The following CASK variants were observed in gnomAD, a reference collection of about 807,000 sequenced individuals.
CASK encodes peripheral plasma membrane protein CASK.
In CASK, 4 loss-of-function variants were observed where a neutral mutation model predicts 82.9. That is an observed-to-expected ratio of 0.05 (90% CI 0.02 to 0.11). CASK has a LOEUF of 0.11. CASK is among the 10% of genes least tolerant of loss of function. CASK has a pLI of 1.00. For missense variants in CASK, 358 were observed against 720.9 expected, an observed-to-expected ratio of 0.50 and a Z score of 5.76; for synonymous variants, 259 against 253.5, an observed-to-expected ratio of 1.02 and a Z score of -0.20.
intron 1 of CASK, among the ~76,000 whole-genome samples, chrX:41,888,561 C>A (rs1276185464): frequency 9.2e-6 from 1 of 108,810 alleles, no homozygotes; most frequent in African/African-American, 3.3e-5. Context: ...GTCTCCAATT[C>A]CATCAAGGTT....
chrX:41,738,945 ATAC>A (rs1170324270), intron 5 of CASK, among the ~76,000 whole-genome samples: 1 of 112,579 alleles, frequency 8.9e-6, no homozygotes, highest in African/African-American at 3.2e-5. Flanking sequence ...TTATGATTTC[ATAC>A]TATATTTAAA....
intron 25 of CASK, among the ~76,000 whole-genome samples, chrX:41,528,957 G>A (rs990547362): frequency 6.2e-5 from 7 of 112,495 alleles, no homozygotes. Flanking sequence ...TGTGAGACCA[G>A]GACTGGCATG....
At position 41,520,557 on chromosome X, in the gene CASK, A is replaced by C; in HGVS notation, c.2644T>G (p.Leu882Val). 8.3e-7 allele frequency: 1 copy of C among 1,208,166 alleles called. No homozygotes were observed. Among genetic ancestry groups the C allele is most frequent in the Non-Finnish European group, 1.1e-6 (1 of 892,523 alleles). ...LQRLQKESDI[L>V]QRTYAHYFDL... ...AAGTAGTGTGCATATGTTCTCTGTA[A>C]GATGTCAGACTCCTTCTGCAGACGC... is the stretch of plus-strand genomic sequence containing the variant. Residue 882 changes from leucine to valine, a missense_variant, in exon 27 of 27, where the codon TTA (leucine) becomes GTA (valine). Physicochemically the swap from Leu to Val is conservative, Grantham distance 32 (BLOSUM62 1). Coordinates refer to ENST00000378163, the MANE Select transcript of CASK (RefSeq NM_001367721.1).
At chrX:41,606,258 ATT>A (rs1433211238) in intron 12 of CASK, among the ~76,000 whole-genome samples, 7 of 111,108 alleles carry the variant, frequency 6.3e-5, no homozygotes, top group African/African-American at 1.3e-4. Flanking sequence ...TCATTCATTC[ATT>A]CATTCATTCA....
At chrX:41,612,379 C>A (rs1295633624) in intron 11 of CASK, among the ~76,000 whole-genome samples, 2 of 106,763 alleles carry the variant, frequency 1.9e-5, no homozygotes, top group Non-Finnish European at 3.9e-5. Flanking sequence ...AGACCCTCCG[C>A]CCGGCAACCG....
At chrX:41,810,882 G>A (rs1602659378) in intron 2 of CASK, among the ~76,000 whole-genome samples, 1 of 111,549 alleles carries the variant, frequency 9.0e-6, no homozygotes, top group African/African-American at 3.3e-5. Flanking sequence ...AAAGGATGGA[G>A]GAAGATCTAC....
chrX:41,632,539 C>T (rs1023658937), intron 9 of CASK, among the ~76,000 whole-genome samples: 3 of 111,465 alleles, frequency 2.7e-5, no homozygotes, highest in Admixed American at 9.6e-5. Context: ...AAGGTGCTAG[C>T]GCAACAGAGC....
Position 41,915,833 on chromosome X carries a change from C to CAAAAA in CASK, c.59+7092_59+7096dup, listed in dbSNP as rs200108960. On this transcript the variant is annotated intron_variant, in intron 1 of 26. Coordinates refer to ENST00000378163, the MANE Select transcript of CASK (RefSeq NM_001367721.1). ...TGAAACCCCATCTCTACTAGAAATA[C>CAAAAA]AAAAAAAAAAAAAAAAATTAGCCGG... Among the ~76,000 whole-genome samples, 3 of 73,607 alleles carry CAAAAA rather than the reference C, an allele frequency of 4.1e-5. No homozygotes were observed. In the East Asian group the frequency reaches 1.2e-3, roughly 29 times the overall value. The allele number at this position is 73,607 out of a possible 115,157, so 63.9% of individuals were successfully genotyped here. A position where few individuals can be genotyped will look rare whatever the true frequency, so the allele number is the denominator to read the frequency against.
At chrX:41,801,357 C>G (rs2069994457) in intron 2 of CASK, among the ~76,000 whole-genome samples, 1 of 111,558 alleles carries the variant, frequency 9.0e-6, no homozygotes, top group Admixed American at 9.5e-5. Flanking sequence ...ATTTCCCCAC[C>G]CAATCCTCCT....
chrX:41,735,222 T>C (rs1220949928), intron 5 of CASK, among the ~76,000 whole-genome samples: 1 of 111,509 alleles, frequency 9.0e-6, no homozygotes, highest in Non-Finnish European at 1.9e-5. Flanking sequence ...TCTGTTTTCG[T>C]TATTAAATAT....
chrX:41,648,561 G>C (rs1181996792), intron 8 of CASK, among the ~76,000 whole-genome samples: 1 of 111,326 alleles, frequency 9.0e-6, no homozygotes, highest in African/African-American at 3.3e-5. Flanking sequence ...TCCTACCAAC[G>C]TGTGACGTCT....
At chrX:41,552,963 A>G (rs189190108) in intron 21 of CASK, among the ~76,000 whole-genome samples, 47 of 112,256 alleles carry the variant, frequency 4.2e-4, no homozygotes, top group African/African-American at 1.5e-3. Flanking sequence ...GCCACATGAA[A>G]CAAAACTCAG....
chrX:41,717,468 G>C (rs923714252), intron 5 of CASK, among the ~76,000 whole-genome samples: 1 of 112,034 alleles, frequency 8.9e-6, no homozygotes, highest in African/African-American at 3.3e-5. Context: ...AAAAGTTTGG[G>C]AGTTTATAGA....
At chrX:41,709,260 C>T (rs1456978312) in intron 5 of CASK, among the ~76,000 whole-genome samples, 2 of 111,921 alleles carry the variant, frequency 1.8e-5, no homozygotes, top group Non-Finnish European at 3.8e-5. Flanking sequence ...AAGGGAAACA[C>T]AGTATACTCA....
At chrX:41,756,691 T>C (rs929958944) in intron 3 of CASK, among the ~76,000 whole-genome samples, 4 of 112,484 alleles carry the variant, frequency 3.6e-5, no homozygotes, top group African/African-American at 9.7e-5. Context: ...CATTAACTCA[T>C]TCAATGTTTA....
At chrX:41,541,868 T>G (rs2064949976) in intron 22 of CASK, among the ~76,000 whole-genome samples, 1 of 111,790 alleles carries the variant, frequency 8.9e-6, no homozygotes, top group South Asian at 3.7e-4. Flanking sequence ...TCAGAAAAAG[T>G]TCCTTATAAA....
intron 5 of CASK, among the ~76,000 whole-genome samples, chrX:41,717,064 C>T (rs1231326021): frequency 9.1e-6 from 1 of 110,252 alleles, no homozygotes; most frequent in African/African-American, 3.3e-5. Flanking sequence ...CTCTTACCCC[C>T]AAAACTGCCC....
chrX:41,743,602 T>C, intron 4 of CASK: 1 of 294,958 alleles, frequency 3.4e-6, no homozygotes, highest in Non-Finnish European at 5.9e-6. Flanking sequence ...GGCTGCTCCA[T>C]CCCTGAGACT....
intron 12 of CASK, among the ~76,000 whole-genome samples, chrX:41,599,850 G>A (rs2065869625): frequency 8.9e-6 from 1 of 111,957 alleles, no homozygotes; most frequent in African/African-American, 3.2e-5. Context: ...AAGAAAGCAT[G>A]AGGAAAAAAA....
Sources: gnomAD v4.1 joint callset for allele counts (sites outside exome capture counted in the v4.1 genomes callset) on GRCh38, gnomAD v4.1.1 for gene constraint, MANE v1.5 for transcripts, NCBI Gene and HGNC (gene_info 2026-07-23, HGNC 2026-07-21) for gene names.